The following LRRC75A variants were observed in gnomAD, a reference collection of about 807,000 sequenced individuals.
LRRC75A encodes leucine-rich repeat-containing protein 75A.
A neutral mutation model predicts 26.0 loss-of-function variants in LRRC75A; 12 were observed. The ratio of observed to expected loss-of-function variants is 0.46; its 90% confidence interval spans 0.30 to 0.75. LRRC75A has a LOEUF of 0.75. Among genes scored for constraint, LRRC75A ranks in the 30% least tolerant of loss-of-function variants. LRRC75A has a pLI of 0.08. For missense variants in LRRC75A, 410 were observed against 486.6 expected (o/e 0.84, Z 1.48); for synonymous variants, 223 against 219.3 (o/e 1.02, Z -0.15).
chr17:16,475,213 C>A (rs185964198), intron 1 of LRRC75A, among the ~76,000 whole-genome samples: 1,607 of 152,100 alleles, frequency 0.011, 33 homozygotes, highest in African/African-American at 0.037. Context: ...AGGGATGGGG[C>A]GCTCCAGAGC....
chr17:16,449,282 T>C (rs967843247), intron 2 of LRRC75A, among the ~76,000 whole-genome samples: 2 of 152,204 alleles, frequency 1.3e-5, no homozygotes, highest in Non-Finnish European at 2.9e-5. Flanking sequence ...AAGCAGTGTA[T>C]TGAGTAGTGA....
chr17:16,457,195 G>A (rs1568962977), intron 2 of LRRC75A, among the ~76,000 whole-genome samples: 1 of 152,148 alleles, frequency 6.6e-6, no homozygotes, highest in African/African-American at 2.4e-5. Flanking sequence ...GCCCTCCACT[G>A]CCCTCCATTC....
chr17:16,488,549 C>A (rs2093851394), intron 1 of LRRC75A, among the ~76,000 whole-genome samples: 1 of 152,176 alleles, frequency 6.6e-6, no homozygotes, highest in African/African-American at 2.4e-5. Flanking sequence ...GTGCTCAGTA[C>A]CCCAGATCCC....
chr17:16,459,163 A>G (rs1467919022), intron 2 of LRRC75A, among the ~76,000 whole-genome samples: 1 of 152,264 alleles, frequency 6.6e-6, no homozygotes, highest in Non-Finnish European at 1.5e-5. Context: ...GGTTGGAATT[A>G]TGAACAAGAC....
At chr17:16,479,560 A>G (rs1226932091) in intron 1 of LRRC75A, among the ~76,000 whole-genome samples, 1 of 152,192 alleles carries the variant, frequency 6.6e-6, no homozygotes, top group Non-Finnish European at 1.5e-5. Context: ...AAGGCACTCT[A>G]TGGGCTAGAA....
At chr17:16,474,925 G>A (rs1336607100) in intron 1 of LRRC75A, among the ~76,000 whole-genome samples, 5 of 151,430 alleles carry the variant, frequency 3.3e-5, no homozygotes, top group Non-Finnish European at 5.9e-5. Context: ...CCCAGGAGGC[G>A]GAGCTTGCAG....
intron 1 of LRRC75A, among the ~76,000 whole-genome samples, chr17:16,467,298 C>T (rs1394199636): frequency 6.6e-6 from 1 of 152,124 alleles, no homozygotes; most frequent in Admixed American, 6.6e-5. Context: ...GGACTACAAG[C>T]GTGAGGCACT....
Position 16,491,277 on chromosome 17 carries a change from T to C in LRRC75A, c.246+468A>G, listed in dbSNP as rs1447616164. On this transcript the variant is annotated intron_variant, in intron 1 of 3. Transcript: ENST00000470794. This position sits in a 1 kb window ranked among gnomAD's most constrained non-coding sequence, Gnocchi z 5.9. ...GAAGGACCTAGGGACTGGAATCTCA[T>C]TGGCCCCAGGGCTGTGCCCCTGGAC... Among the ~76,000 whole-genome samples the C allele has an allele frequency of 1.3e-5, 2 of 152,160 alleles. No individual in the cohort carries two copies. The highest frequency in any genetic ancestry group is 2.9e-5 in the Non-Finnish European group (2 of 68,018).
chr17:16,461,232 A>C (rs1004949109), intron 2 of LRRC75A: 25 of 152,296 alleles, frequency 1.6e-4, no homozygotes, highest in African/African-American at 6.0e-4. Context: ...GTCTGTATCC[A>C]GGCCGAGCGA....
intron 1 of LRRC75A, among the ~76,000 whole-genome samples, chr17:16,482,992 G>A (rs893219647): frequency 6.6e-6 from 1 of 152,244 alleles, no homozygotes; most frequent in African/African-American, 2.4e-5. Context: ...GTGGGGACAG[G>A]CTCCATCCAG....
intron 1 of LRRC75A, among the ~76,000 whole-genome samples, chr17:16,477,558 C>T (rs917714251): frequency 1.3e-5 from 2 of 152,228 alleles, no homozygotes; most frequent in Non-Finnish European, 2.9e-5. Flanking sequence ...GCTCTTCCAC[C>T]TCTCCACGCT....
rs752232766 is a variant in LRRC75A, at chr17:16,485,067, C to T, written c.246+6678G>A. On this transcript the variant is annotated intron_variant, in intron 1 of 3. Coordinates refer to ENST00000470794, the MANE Select transcript of LRRC75A (RefSeq NM_001113567.3). Reference sequence around the variant, plus strand: ...GAGAGCAGGCACCATAGGAGGGGGTCCCCGCCCCTGCTTGGCGCGCCAAGG... The same window carrying T: ...GAGAGCAGGCACCATAGGAGGGGGTTCCCGCCCCTGCTTGGCGCGCCAAGG... Among the ~76,000 whole-genome samples the T allele has an allele frequency of 2.0e-3, 300 of 151,990 alleles. 1 individual carries two copies. Among genetic ancestry groups the T allele is most frequent in the Non-Finnish European group, 3.2e-3 (220 of 67,960 alleles).
Position 16,462,409 on chromosome 17 carries a change from G to A in LRRC75A, c.247-23C>T. 6.2e-7 allele frequency: 1 copy of A among 1,613,356 alleles called. No individual in the cohort carries two copies. Among genetic ancestry groups the A allele is most frequent in the South Asian group, 1.1e-5 (1 of 91,072 alleles). On this transcript the variant is annotated intron_variant, in intron 1 of 3. Coordinates refer to ENST00000470794, the MANE Select transcript of LRRC75A (RefSeq NM_001113567.3). The surrounding 1 kb of genome is among the most constrained non-coding windows in gnomAD (Gnocchi z 4.6). The stretch of plus-strand genomic sequence containing the variant: ...GTCCTGCAAGAGCAAAGGATGCCCA[G>A]AGGTCAGGGCTGGCTGCCCACCCAG...
At chr17:16,473,375 T>C (rs1365118318) in intron 1 of LRRC75A, among the ~76,000 whole-genome samples, 1 of 152,104 alleles carries the variant, frequency 6.6e-6, no homozygotes, top group Non-Finnish European at 1.5e-5. Flanking sequence ...CTGGACGGCA[T>C]GGGAACCCTG....
Position 16,443,790 on chromosome 17 carries a change from G to A in LRRC75A, c.833C>T (p.Pro278Leu), listed in dbSNP as rs1334707064. 1 of 1,613,848 alleles carries A rather than the reference G, an allele frequency of 6.2e-7. No individual in the cohort carries two copies. The highest frequency in any genetic ancestry group is 8.5e-7 in the Non-Finnish European group (1 of 1,179,746). ...LGNNVDIFSL[P>L]QPFLLSLRKR... ...GCGCAGGCTGAGCAGGAAGGGCTGGGGCAAGGAGAAGATGTCCACGTTGTT... is the reference window on the plus strand; with the variant it reads ...GCGCAGGCTGAGCAGGAAGGGCTGGAGCAAGGAGAAGATGTCCACGTTGTT... The change falls in exon 4 of 4, where the codon CCC (proline) becomes CTC (leucine). Residue 278 changes from proline to leucine, a missense_variant. Pro to Leu is a moderately conservative substitution (Grantham distance 98). Transcript: ENST00000470794.
chr17:16,457,545 C>T (rs919940661), intron 2 of LRRC75A, among the ~76,000 whole-genome samples: 3 of 152,344 alleles, frequency 2.0e-5, no homozygotes, highest in East Asian at 1.9e-4. Flanking sequence ...TTGCTGCTCT[C>T]GGCTCCTGGC....
chr17:16,466,694 C>T lies in LRRC75A; in HGVS notation c.247-4308G>A, dbSNP rs569597285. 2.0e-5 allele frequency among the ~76,000 whole-genome samples: 3 copies of T among 152,250 alleles called. No homozygotes were observed. The South Asian group carries it at 6.2e-4, about 32-fold the overall frequency. On this transcript the variant is annotated intron_variant, in intron 1 of 3. Coordinates refer to ENST00000470794, the MANE Select transcript of LRRC75A (RefSeq NM_001113567.3). ...TTTCCGAGCTGCCGGACCCAGCACA[C>T]AGCAGCACACGGCATTTCAAAGAAG...
At chr17:16,451,632 AT>A (rs140500939) in intron 2 of LRRC75A, among the ~76,000 whole-genome samples, 79,538 of 145,412 alleles carry the variant, frequency 0.55, 22,172 homozygotes, top group Non-Finnish European at 0.6. Context: ...AAAAAAAAAA[AT>A]AATAATAATA....
chr17:16,442,622 CT>C lies in LRRC75A; in HGVS notation c.*965del, dbSNP rs1296006269. 6.6e-6 allele frequency: 1 copy of C among 152,250 alleles called. No individual in the cohort carries two copies. Among genetic ancestry groups the C allele is most frequent in the African/African-American group, 2.4e-5 (1 of 41,454 alleles). The allele number at this position is 152,250 out of a possible 1,614,324, so 9.4% of individuals were successfully genotyped here. On this transcript the variant is annotated 3_prime_UTR_variant, in exon 4 of 4. Coordinates refer to ENST00000470794, the MANE Select transcript of LRRC75A (RefSeq NM_001113567.3). ...TTGTTGGATCTGCCAAGGGATTGGA[CT>C]CCTTCATTGTCCTAGGTTTTTAAGG...
Sources: allele counts gnomAD v4.1 joint callset (sites outside exome capture counted in the v4.1 genomes callset), GRCh38; gene constraint gnomAD v4.1.1; non-coding constraint Gnocchi (gnomAD v3.1); transcripts MANE v1.5; gene names NCBI Gene and HGNC (gene_info 2026-07-23, HGNC 2026-07-21).